The following F13A1 variants were observed in gnomAD, a reference collection of about 807,000 sequenced individuals.
F13A1 encodes FSF, A subunit.
A neutral mutation model predicts 80.1 loss-of-function variants in F13A1; 47 were observed. That is an observed-to-expected ratio of 0.59 (90% CI 0.46 to 0.75). F13A1 has a LOEUF of 0.75. Among genes scored for constraint, F13A1 ranks in the 30% least tolerant of loss-of-function variants. The pLI, the probability that F13A1 is intolerant of heterozygous loss-of-function variation, is 0.00. For missense variants in F13A1, 817 were observed against 930.4 expected (o/e 0.88, Z 1.59); for synonymous variants, 349 against 344.9 (o/e 1.01, Z -0.13).
At chr6:6,181,245 C>T (rs1760979250) in intron 11 of F13A1, among the ~76,000 whole-genome samples, 1 of 152,184 alleles carries the variant, frequency 6.6e-6, no homozygotes, top group African/African-American at 2.4e-5. Context: ...GACTAAATGC[C>T]CCTACTTATT....
intron 2 of F13A1, among the ~76,000 whole-genome samples, chr6:6,310,051 C>G (rs1583125789): frequency 6.6e-6 from 1 of 152,176 alleles, no homozygotes; most frequent in Non-Finnish European, 1.5e-5. Flanking sequence ...ACCTGGCTTT[C>G]CAGCTTTACC....
intron 10 of F13A1, among the ~76,000 whole-genome samples, chr6:6,184,530 AC>A: frequency 6.6e-6 from 1 of 152,336 alleles, no homozygotes; most frequent in Non-Finnish European, 1.5e-5. Context: ...CGCAGCAGAT[AC>A]CTGTGGAATA....
At chr6:6,320,157 C>T (rs537857206) in intron 1 of F13A1, among the ~76,000 whole-genome samples, 47 of 151,918 alleles carry the variant, frequency 3.1e-4, no homozygotes, top group African/African-American at 1.1e-3. Flanking sequence ...CGGAGGCAGG[C>T]GATGCGCAGG....
At chr6:6,158,313 T>G (rs1236686994) in intron 13 of F13A1, among the ~76,000 whole-genome samples, 2 of 152,146 alleles carry the variant, frequency 1.3e-5, no homozygotes, top group African/African-American at 4.8e-5. Context: ...AGACCGGGGC[T>G]GCCACTTTGA....
At chr6:6,147,707 C>G (rs1760310132) in intron 14 of F13A1, among the ~76,000 whole-genome samples, 1 of 152,190 alleles carries the variant, frequency 6.6e-6, no homozygotes, top group Non-Finnish European at 1.5e-5. Flanking sequence ...ATTTAGCCCC[C>G]TCTTATCATT....
At chr6:6,314,798 A>G (rs1019770930) in intron 2 of F13A1, among the ~76,000 whole-genome samples, 15 of 152,252 alleles carry the variant, frequency 9.9e-5, no homozygotes, top group African/African-American at 3.6e-4. Context: ...AAACCAGTGT[A>G]TATTTTTCCA....
chr6:6,254,885 CTT>C (rs1161131637), intron 4 of F13A1, among the ~76,000 whole-genome samples: 4 of 152,080 alleles, frequency 2.6e-5, no homozygotes, highest in African/African-American at 9.7e-5. Flanking sequence ...TATAATGAGA[CTT>C]TTCCATCAGA....
chr6:6,145,523 AC>A lies in F13A1; in HGVS notation c.*95del, dbSNP rs1437569459. On this transcript the variant is annotated 3_prime_UTR_variant, in exon 15 of 15. Coordinates refer to ENST00000264870, the MANE Select transcript of F13A1 (RefSeq NM_000129.4). ...TCTGCAGTCCTGTCTGGGTCTTCAC[AC>A]CTAAGTCAAAGCAAGAGCTATTTTT... 6 of 1,533,714 alleles carry A rather than the reference AC, an allele frequency of 3.9e-6. No individual in the cohort carries two copies. The highest frequency in any genetic ancestry group is 5.4e-6 in the Non-Finnish European group (6 of 1,108,598).
At chr6:6,179,911 CT>C (rs1158131387) in intron 11 of F13A1, among the ~76,000 whole-genome samples, 1 of 152,190 alleles carries the variant, frequency 6.6e-6, no homozygotes, top group Non-Finnish European at 1.5e-5. Context: ...CCCCTGACTC[CT>C]GTTTCGTGGA....
At chr6:6,249,716 T>C (rs565808225) in intron 5 of F13A1, among the ~76,000 whole-genome samples, 3 of 152,218 alleles carry the variant, frequency 2.0e-5, no homozygotes, top group Admixed American at 6.5e-5. Flanking sequence ...AGGCTAGAAA[T>C]TGGGGACCCA....
At chr6:6,167,809 G>A (rs1021135018) in intron 12 of F13A1, among the ~76,000 whole-genome samples, 191 bp from the exon 13 acceptor site, 4 of 152,274 alleles carry the variant, frequency 2.6e-5, no homozygotes, top group Non-Finnish European at 4.4e-5. Flanking sequence ...AGAATGTGCT[G>A]GAAATTTAAT....
chr6:6,248,220 G>T, intron 6 of F13A1, 92 bp downstream of exon 6: 1 of 1,001,656 alleles, frequency 1.0e-6, no homozygotes, highest in Non-Finnish European at 1.6e-6. Context: ...TTAAGTGTAA[G>T]TCATCATTTC....
chr6:6,208,527 G>T (rs1288756932), intron 8 of F13A1, among the ~76,000 whole-genome samples: 1 of 152,118 alleles, frequency 6.6e-6, no homozygotes, highest in South Asian at 2.1e-4. Flanking sequence ...TTCAATGAAA[G>T]ATATTATTAT....
rs868742517 is a variant in F13A1 at position 6,216,368 on chromosome 6, C to T, written c.1112+5665G>A. ...AACAAAACAGAGCTCTCAGAAATAA[C>T]GCCGCATATCTACAACTATCTGATC... On this transcript the variant is annotated intron_variant, in intron 8 of 14. Transcript: ENST00000264870. Among the ~76,000 whole-genome samples the T allele has an allele frequency of 3.6e-3, 551 of 151,184 alleles. 3 individuals are homozygous for T. Among genetic ancestry groups the T allele is most frequent in the African/African-American group, 4.4e-3 (180 of 40,950 alleles).
rs1229495414 is a variant in F13A1 at position 6,250,357 on chromosome 6, C to A, written c.690+454G>T. On this transcript the variant is annotated intron_variant, in intron 5 of 14. Transcript: ENST00000264870. The surrounding 1 kb of genome is among the most constrained non-coding windows in gnomAD (Gnocchi z 4.2). ...CTATGTAAAAGCTCAGTGGCCCTTC[C>A]TTTGATGAAATGATAACACTCTTTT... is the stretch of plus-strand genomic sequence containing the variant. Among the ~76,000 whole-genome samples, 1 of 151,242 alleles carries A rather than the reference C, an allele frequency of 6.6e-6. No homozygotes were observed. The highest frequency in any genetic ancestry group is 1.5e-5 in the Non-Finnish European group (1 of 67,952).
At chr6:6,313,496 T>C (rs1343920397) in intron 2 of F13A1, among the ~76,000 whole-genome samples, 4 of 152,140 alleles carry the variant, frequency 2.6e-5, no homozygotes, top group Admixed American at 2.6e-4. Flanking sequence ...TAAATTATTG[T>C]CTCCCTAGGT....
At chr6:6,207,306 G>C (rs1287041379) in intron 8 of F13A1, among the ~76,000 whole-genome samples, 1 of 152,146 alleles carries the variant, frequency 6.6e-6, no homozygotes, top group African/African-American at 2.4e-5. Flanking sequence ...TTGCCTGGCA[G>C]CTCTCTGAAA....
intron 14 of F13A1, 27 bp downstream of exon 14, chr6:6,151,786 G>T (rs1000307195): frequency 2.5e-6 from 4 of 1,613,658 alleles, no homozygotes; most frequent in South Asian, 1.1e-5. Context: ...TGCACTGCCT[G>T]CCCGGTCTCC....
intron 12 of F13A1, among the ~76,000 whole-genome samples, chr6:6,168,519 A>G (rs1430659962): frequency 1.3e-5 from 2 of 152,186 alleles, no homozygotes; most frequent in Non-Finnish European, 2.9e-5. Context: ...AGATGCCTGT[A>G]TGTGCCGACA....
Sources: gnomAD v4.1 joint callset for allele counts (sites outside exome capture counted in the v4.1 genomes callset) on GRCh38, gnomAD v4.1.1 for gene constraint, Gnocchi (gnomAD v3.1) non-coding constraint, MANE v1.5 for transcripts, NCBI Gene and HGNC (gene_info 2026-07-23, HGNC 2026-07-21) for gene names.